Variants in SLC30A9 observed in about 807,000 individuals in gnomAD.
The protein encoded by SLC30A9 is solute carrier family 30 member 9.
A neutral mutation model predicts 87.5 loss-of-function variants in SLC30A9; 58 were observed. The observed-to-expected ratio is 0.66, with a 90% CI of 0.54 to 0.82. The LOEUF is 0.82. Ranked by LOEUF, SLC30A9 falls within the 40% of genes least tolerant of loss-of-function variation. The probability of loss-of-function intolerance (pLI) is 0.00; values close to 1 mark genes in which losing one functional copy is unlikely to be tolerated. For missense variants in SLC30A9, 557 were observed against 679.1 expected, an observed-to-expected ratio of 0.82 and a Z score of 2.00; for synonymous variants, 234 against 233.0, an observed-to-expected ratio of 1.00 and a Z score of -0.04.
At chr4:42,006,409 C>G (rs1715202848) in intron 2 of SLC30A9, among the ~76,000 whole-genome samples, 1 of 152,082 alleles carries the variant, frequency 6.6e-6, no homozygotes, top group African/African-American at 2.4e-5. Context: ...AGGTATTGGC[C>G]AGGTGTGGTG....
intron 2 of SLC30A9, among the ~76,000 whole-genome samples, chr4:42,008,618 G>T (rs1715314251): frequency 6.6e-6 from 1 of 152,198 alleles, no homozygotes; most frequent in African/African-American, 2.4e-5. Context: ...CCCCACATGG[G>T]TGAGGGACAG....
At chr4:42,063,527 T>C (rs1051250702) in intron 11 of SLC30A9, among the ~76,000 whole-genome samples, 1 of 152,170 alleles carries the variant, frequency 6.6e-6, no homozygotes, top group Non-Finnish European at 1.5e-5. Context: ...AAAGCTTCTC[T>C]TTTCCCGCAT....
At chr4:42,039,237 A>G (rs899674073) in intron 8 of SLC30A9, among the ~76,000 whole-genome samples, 184 bp downstream of exon 8, 7 of 151,998 alleles carry the variant, frequency 4.6e-5, no homozygotes, top group African/African-American at 9.7e-5. Flanking sequence ...ATGAATTCAT[A>G]TAGATAACCA....
At chr4:42,031,564 C>T (rs976281473) in intron 6 of SLC30A9, among the ~76,000 whole-genome samples, 3 of 152,130 alleles carry the variant, frequency 2.0e-5, no homozygotes, top group Non-Finnish European at 4.4e-5. Flanking sequence ...CAGCATTTGG[C>T]AGTACCTATC....
At chr4:42,033,535 C>T (rs115864363) in intron 6 of SLC30A9, among the ~76,000 whole-genome samples, 2,113 of 152,154 alleles carry the variant, frequency 0.014, 30 homozygotes, top group South Asian at 0.023. Context: ...TTGTATTAAA[C>T]GCCATACCCT....
At chr4:42,010,247 A>C (rs1715382824) in intron 2 of SLC30A9, among the ~76,000 whole-genome samples, 1 of 152,100 alleles carries the variant, frequency 6.6e-6, no homozygotes, top group African/African-American at 2.4e-5. Flanking sequence ...GCCAAGGTGA[A>C]GGATCCCTTG....
chr4:42,030,599 T>TG (rs145068198), intron 6 of SLC30A9, among the ~76,000 whole-genome samples: 3,207 of 148,444 alleles, frequency 0.022, 117 homozygotes, highest in African/African-American at 0.073. Flanking sequence ...TTTTTTTTTT[T>TG]GGGCTCTTTC....
rs972339463 is a variant in SLC30A9 at position 41,993,220 on chromosome 4, T to C, written c.109+2460T>C. Among the ~76,000 whole-genome samples, 7 of 151,188 alleles carry C rather than the reference T, an allele frequency of 4.6e-5. No individual in the cohort carries two copies. In the East Asian group the frequency reaches 1.3e-3, roughly 29 times the overall value. On this transcript the variant is annotated intron_variant, in intron 1 of 17. Transcript: ENST00000264451. ...AAATTTAATACTATTTTATTAAGTATATTCAAAATATTTCAACATGTAATC... is the reference window on the plus strand; with the variant it reads ...AAATTTAATACTATTTTATTAAGTACATTCAAAATATTTCAACATGTAATC...
At position 42,066,607 on chromosome 4, in the gene SLC30A9, C is replaced by T. The variant is rs762193591; in HGVS notation, c.1130C>T (p.Ser377Leu). The T allele has an allele frequency of 3.7e-6, 6 of 1,605,968 alleles. No homozygotes were observed. In the South Asian group the frequency reaches 6.7e-5, roughly 18 times the overall value. ...LRRNARAKGM[S>L]FYKYVMESRD... is the part of the protein sequence containing the mutation. ...AGGAATGCTCGGGCTAAAGGAATGT[C>T]ATTTTACAAGTATGGTATGTATTTT... The change falls in exon 13 of 18, where the codon TCA becomes TTA. Residue 377 changes from serine to leucine, a missense_variant. Around this residue, in one of 2 missense-constraint regions of SLC30A9, gnomAD observed 467 missense variants for 529.8 expected, o/e 0.88. Coordinates refer to ENST00000264451, the MANE Select transcript of SLC30A9 (RefSeq NM_006345.4).
intron 15 of SLC30A9, among the ~76,000 whole-genome samples, chr4:42,072,768 T>C (rs1718362306): frequency 6.6e-6 from 1 of 151,846 alleles, no homozygotes; most frequent in Non-Finnish European, 1.5e-5. Context: ...TGGTTTATAG[T>C]GACTTCAATT....
intron 15 of SLC30A9, among the ~76,000 whole-genome samples, chr4:42,074,671 A>G (rs1223007078): frequency 6.6e-6 from 1 of 152,136 alleles, no homozygotes; most frequent in East Asian, 1.9e-4. Flanking sequence ...TGGTTTTATC[A>G]TGTATAAAAT....
intron 2 of SLC30A9, among the ~76,000 whole-genome samples, chr4:42,003,760 G>C (rs1715078621): frequency 1.1e-5 from 1 of 91,364 alleles, no homozygotes; most frequent in Admixed American, 1.4e-4. Flanking sequence ...TTCCTTTTTT[G>C]CCTTTAATTT....
Position 41,990,695 on chromosome 4 carries a change from G to T in SLC30A9, c.44G>T (p.Trp15Leu). The T allele has an allele frequency of 1.2e-6, 2 of 1,612,238 alleles. No individual in the cohort carries two copies. Among genetic ancestry groups the T allele is most frequent in the Non-Finnish European group, 1.7e-6 (2 of 1,179,316 alleles). The change falls in exon 1 of 18, where the codon TGG becomes TTG. Residue 15 changes from tryptophan to leucine, a missense_variant. Coordinates refer to ENST00000264451, the MANE Select transcript of SLC30A9 (RefSeq NM_006345.4). The part of the protein sequence containing the change: ...LAAAAAHRCS[W>L]SSLCRLRLRC... Reference sequence around the variant, plus strand: ...GCCGCCGCGGCCCACAGATGTAGCTGGTCCTCCCTGTGCCGGCTCCGTCTG... The same window carrying T: ...GCCGCCGCGGCCCACAGATGTAGCTTGTCCTCCCTGTGCCGGCTCCGTCTG...
chr4:42,087,280 G>GAA lies in SLC30A9; in HGVS notation c.*1157_*1158dup, dbSNP rs986973087. 1 of 152,198 alleles carries GAA rather than the reference G, an allele frequency of 6.6e-6. No individual in the cohort carries two copies. The highest frequency in any genetic ancestry group is 2.4e-5 in the African/African-American group (1 of 41,454). 9.4% of individuals were successfully genotyped at this position (152,198 alleles called of 1,614,324 possible). ...GCAATTCAGTAATTGAAAATGTGGT[G>GAA]AAAAGCTGCAGCTGTCATCATCAAA... is the stretch of plus-strand genomic sequence containing the variant. On this transcript the variant is annotated 3_prime_UTR_variant, in exon 18 of 18. Transcript: ENST00000264451.
intron 9 of SLC30A9, among the ~76,000 whole-genome samples, chr4:42,055,188 A>G (rs1190687314): frequency 1.3e-5 from 2 of 152,118 alleles, no homozygotes; most frequent in African/African-American, 4.8e-5. Context: ...TCAGTTAAAA[A>G]TATTTCAACT....
chr4:42,060,376 G>A (rs1717797889), intron 10 of SLC30A9, 130 bp downstream of exon 10: 9 of 712,964 alleles, frequency 1.3e-5, no homozygotes, highest in African/African-American at 1.8e-5. Flanking sequence ...TTCCACTGTA[G>A]TATCTAAAAT....
chr4:42,073,346 A>G (rs529779462), intron 15 of SLC30A9, among the ~76,000 whole-genome samples: 39 of 152,326 alleles, frequency 2.6e-4, no homozygotes, highest in African/African-American at 9.4e-4. Context: ...CTATAAACTG[A>G]AAGACTGGCA....
At chr4:42,071,913 G>C (rs1384397699) in intron 15 of SLC30A9, among the ~76,000 whole-genome samples, 6 of 152,162 alleles carry the variant, frequency 3.9e-5, no homozygotes, top group Non-Finnish European at 2.9e-5. Flanking sequence ...CAAGTATCTG[G>C]ATATGAGCTT....
intron 2 of SLC30A9, among the ~76,000 whole-genome samples, chr4:42,008,102 G>A (rs1420111682): frequency 6.6e-6 from 1 of 152,100 alleles, no homozygotes; most frequent in Admixed American, 6.5e-5. Context: ...TGTTCATTAT[G>A]TTTCAGCCAA....
Sources: allele counts gnomAD v4.1 joint callset (sites outside exome capture counted in the v4.1 genomes callset), GRCh38; gene constraint gnomAD v4.1.1; regional missense constraint gnomAD v4.1.1; transcripts MANE v1.5; gene names NCBI Gene and HGNC (gene_info 2026-07-23, HGNC 2026-07-21).